DDX60: variants seen among roughly 807,000 people sequenced by gnomAD.
DDX60 encodes the protein DExD/H-box helicase 60, also known as probable ATP-dependent RNA helicase DDX60.
In DDX60, 165 loss-of-function variants were observed where a neutral mutation model predicts 212.8. The ratio of observed to expected loss-of-function variants is 0.78; its 90% CI spans 0.68 to 0.88. The LOEUF is 0.88. Ranked by LOEUF, DDX60 falls within the 40% of genes least tolerant of loss-of-function variation. The pLI is 0.00. For missense variants in DDX60, 1,905 were observed against 2,003.9 expected (o/e 0.95, Z 0.94); for synonymous variants, 703 against 685.3 (o/e 1.03, Z -0.40).
Position 168,291,924 on chromosome 4 carries a change from G to C in DDX60, c.883-18C>G. ...CTGTTCACCTGAATAAAATAAAGAA[G>C]GTATAAGCCAGAGAACAGCAGGGTG... On this transcript the variant is annotated intron_variant, in intron 7 of 37. Transcript: ENST00000393743. 1 of 1,587,942 alleles carries C rather than the reference G, an allele frequency of 6.3e-7. No individual in the cohort carries two copies. Among genetic ancestry groups the C allele is most frequent in the Non-Finnish European group, 8.6e-7 (1 of 1,168,890 alleles).
At chr4:168,244,317 G>T (rs898146018) in intron 30 of DDX60, among the ~76,000 whole-genome samples, 2 of 149,452 alleles carry the variant, frequency 1.3e-5, no homozygotes, top group African/African-American at 5.1e-5. Context: ...GGTGCCAAAT[G>T]ATATGACTTC....
At chr4:168,290,150 C>G (rs772116180) in intron 8 of DDX60, among the ~76,000 whole-genome samples, 113 of 152,046 alleles carry the variant, frequency 7.4e-4, no homozygotes, top group Non-Finnish European at 1.4e-3. Context: ...TTTTTGCTAC[C>G]CCTGCTGTGA....
At position 168,293,899 on chromosome 4, in the gene DDX60, G is replaced by C; in HGVS notation, c.770C>G (p.Ser257Cys). Residue 257 changes from serine to cysteine, a missense_variant, in exon 7 of 38, where the codon TCT becomes TGT. Ser to Cys is a moderately radical substitution (Grantham distance 112). Coordinates refer to ENST00000393743, the MANE Select transcript of DDX60 (RefSeq NM_017631.6). Reference sequence around the variant, plus strand: ...AACACAAAAGACACGCCGAATGTCAGATCCTTCTGGCCAGACTTGTGTAAG... The same window carrying C: ...AACACAAAAGACACGCCGAATGTCACATCCTTCTGGCCAGACTTGTGTAAG... ...SLLTQVWPEG[S>C]DIRRVFCVTS... 2 of 1,614,038 alleles carry C rather than the reference G, an allele frequency of 1.2e-6. No homozygotes were observed. The highest frequency in any genetic ancestry group is 1.7e-5 in the Admixed American group (1 of 59,998).
intron 6 of DDX60, among the ~76,000 whole-genome samples, chr4:168,296,874 C>CTTTTTT (rs35177897): frequency 7.4e-6 from 1 of 134,796 alleles, no homozygotes; most frequent in African/African-American, 2.8e-5. Flanking sequence ...AAAAAGTGAT[C>CTTTTTT]TTTTTTTTTT....
At chr4:168,297,964 T>C (rs1013637540) in intron 6 of DDX60, among the ~76,000 whole-genome samples, 2 of 151,268 alleles carry the variant, frequency 1.3e-5, no homozygotes, top group Admixed American at 1.3e-4. Context: ...TTTAAAATAA[T>C]AATCCTAGAA....
At chr4:168,233,673 CA>C (rs1185947718) in intron 33 of DDX60, among the ~76,000 whole-genome samples, 1 of 152,010 alleles carries the variant, frequency 6.6e-6, no homozygotes, top group African/African-American at 2.4e-5. Context: ...GACACAAAGT[CA>C]TAAAAATGGT....
Position 168,268,788 on chromosome 4 carries a change from G to A in DDX60, c.2786+66C>T. 8.8e-6 allele frequency: 8 copies of A among 905,272 alleles called. No individual in the cohort carries two copies. In the South Asian group the frequency reaches 1.1e-4, roughly 12 times the overall value. The allele number at this position is 905,272 out of a possible 1,614,324, so 56.1% of individuals were successfully genotyped here. A position where few individuals can be genotyped will look rare whatever the true frequency, so the allele number is the denominator to read the frequency against. ...TATGAAACTCCTCAGAATCCACAGA[G>A]AAATTATGAAATTCAAATATTCAAA... is the stretch of plus-strand genomic sequence containing the variant. On this transcript the variant is annotated intron_variant, in intron 20 of 37. Coordinates refer to ENST00000393743, the MANE Select transcript of DDX60 (RefSeq NM_017631.6).
At chr4:168,234,625 T>C (rs935213345) in intron 33 of DDX60, among the ~76,000 whole-genome samples, 1 of 152,240 alleles carries the variant, frequency 6.6e-6, no homozygotes, top group Middle Eastern at 3.4e-3. Flanking sequence ...AATCCTTATA[T>C]GTTAATGCTA....
chr4:168,315,239 G>T (rs1009260561), intron 1 of DDX60, among the ~76,000 whole-genome samples: 2 of 152,104 alleles, frequency 1.3e-5, no homozygotes, highest in Non-Finnish European at 2.9e-5. Context: ...CTGGCACACA[G>T]AATTAATTAA....
In DDX60 at chr4:168,221,757, G is replaced by C. The variant is rs778065276; in HGVS notation, c.4949C>G (p.Ser1650Cys). Residue 1650 changes from serine to cysteine, a missense_variant, in exon 36 of 38, where the codon TCC (serine) becomes TGC (cysteine). Coordinates refer to ENST00000393743, the MANE Select transcript of DDX60 (RefSeq NM_017631.6). ...GTTATCCTGGACTAATCCTATCAAGGAACCATGTTTGTAGAAATCCAGTGC... is the reference window on the plus strand; with the variant it reads ...GTTATCCTGGACTAATCCTATCAAGCAACCATGTTTGTAGAAATCCAGTGC... ...AYALDFYKHG[S>C]LIGLVQDNRM... is the part of the protein sequence containing the mutation. The C allele has an allele frequency of 6.2e-7, 1 of 1,612,748 alleles. No individual in the cohort carries two copies. The highest frequency in any genetic ancestry group is 1.7e-5 in the Admixed American group (1 of 59,936).
intron 33 of DDX60, among the ~76,000 whole-genome samples, chr4:168,232,686 T>C (rs1490070528): frequency 2.0e-5 from 3 of 152,096 alleles, no homozygotes; most frequent in Non-Finnish European, 4.4e-5. Flanking sequence ...AATCCTTATC[T>C]CTCACCTTAT....
Position 168,311,375 on chromosome 4 carries a change from A to C in DDX60, c.-106-10T>G. On this transcript the variant is annotated splice_polypyrimidine_tract_variant and intron_variant, in intron 1 of 37. Coordinates refer to ENST00000393743, the MANE Select transcript of DDX60 (RefSeq NM_017631.6). ...AATGAAAATGGCAGTCCTGCAAAAA[A>C]AGAAAAGAAAATGAGTCTTTATTCA... is the stretch of plus-strand genomic sequence containing the variant. The C allele has an allele frequency of 2.8e-6, 3 of 1,074,946 alleles. No individual in the cohort carries two copies. The highest frequency in any genetic ancestry group is 4.1e-6 in the Non-Finnish European group (3 of 726,402). 66.6% of individuals were successfully genotyped at this position (1,074,946 alleles called of 1,614,324 possible).
intron 27 of DDX60, 118 bp downstream of exon 27, chr4:168,252,391 G>A (rs1734252246): frequency 9.0e-6 from 11 of 1,224,304 alleles, no homozygotes; most frequent in African/African-American, 1.6e-5. Flanking sequence ...CTTTTGGTAG[G>A]GATTGTATTA....
chr4:168,254,550 C>T (rs1054153145), intron 26 of DDX60, among the ~76,000 whole-genome samples: 16 of 152,050 alleles, frequency 1.1e-4, no homozygotes, highest in African/African-American at 3.9e-4. Context: ...ATATTACCTG[C>T]CAGGTAATGT....
At chr4:168,305,979 A>G (rs924542825) in intron 5 of DDX60, among the ~76,000 whole-genome samples, 1 of 152,128 alleles carries the variant, frequency 6.6e-6, no homozygotes, top group East Asian at 1.9e-4. Flanking sequence ...TGAGGTCAAC[A>G]TATTATGCAG....
chr4:168,288,801 C>T (rs923764225), intron 8 of DDX60, among the ~76,000 whole-genome samples: 2 of 152,156 alleles, frequency 1.3e-5, no homozygotes, highest in East Asian at 1.9e-4. Context: ...GGTCTCCATG[C>T]TTCAAGATTC....
intron 6 of DDX60, among the ~76,000 whole-genome samples, chr4:168,302,045 T>A (rs1736668065): frequency 6.6e-6 from 1 of 151,824 alleles, no homozygotes; most frequent in African/African-American, 2.4e-5. Flanking sequence ...GGATGTGGTA[T>A]CCTGGACTGG....
intron 16 of DDX60, among the ~76,000 whole-genome samples, chr4:168,275,108 C>G (rs943032020): frequency 2.0e-5 from 3 of 152,092 alleles, no homozygotes; most frequent in African/African-American, 7.2e-5. Context: ...GAGATAACAT[C>G]AGAGCTAAAC....
rs773280206 is a variant in DDX60 at position 168,285,457 on chromosome 4, T to C, written c.1381A>G (p.Thr461Ala). Residue 461 changes from threonine (T) to alanine (A), a missense_variant, in exon 11 of 38, where the codon ACG (threonine) becomes GCG (alanine). Thr to Ala is a moderately conservative substitution (Grantham distance 58, BLOSUM62 0). Coordinates refer to ENST00000393743, the MANE Select transcript of DDX60 (RefSeq NM_017631.6). Reference protein sequence around the residue: ...EMVPNLGFIPTSSFVVDKFAG... With the variant: ...EMVPNLGFIPASSFVVDKFAG... ...AATTTATCAACCACAAAAGATGACG[T>C]TGGAATAAAACCCAAATTGGGCACC... The C allele has an allele frequency of 1.1e-5, 18 of 1,610,862 alleles. No individual in the cohort carries two copies. Among genetic ancestry groups the C allele is most frequent in the African/African-American group, 5.3e-5 (4 of 74,810 alleles).
Sources: allele counts gnomAD v4.1 joint callset (sites outside exome capture counted in the v4.1 genomes callset), GRCh38; gene constraint gnomAD v4.1.1; transcripts MANE v1.5; gene names NCBI Gene and HGNC (gene_info 2026-07-23, HGNC 2026-07-21).